Variants in PIGN observed in about 807,000 individuals in gnomAD.
PIGN encodes phosphatidylinositol glycan anchor biosynthesis class N.
A neutral mutation model predicts 125.4 loss-of-function variants in PIGN; 117 were observed. The ratio of observed to expected loss-of-function variants is 0.93; its 90% CI spans 0.80 to 1.09. The LOEUF is 1.09. Ranked by LOEUF, PIGN falls within the 50% of genes least tolerant of loss-of-function variation. The probability of loss-of-function intolerance (pLI) is 0.00; values close to 1 mark genes in which losing one functional copy is unlikely to be tolerated. For missense variants in PIGN, 1,075 were observed against 1,094.9 expected (o/e 0.98, Z 0.26); for synonymous variants, 392 against 377.8 (o/e 1.04, Z -0.44).
chr18:62,185,905 A>G (rs1057481870), intron 1 of PIGN, among the ~76,000 whole-genome samples: 1 of 152,212 alleles, frequency 6.6e-6, no homozygotes, highest in Non-Finnish European at 1.5e-5. Flanking sequence ...AACTTTTAAA[A>G]TAGTTCTAAG....
chr18:62,041,201 T>C lies in PIGN; in HGVS notation c.*4655A>G, dbSNP rs1036478854. 1 of 152,170 alleles carries C rather than the reference T, an allele frequency of 6.6e-6. No individual in the cohort carries two copies. The highest frequency in any genetic ancestry group is 1.5e-5 in the Non-Finnish European group (1 of 68,018). 9.4% of individuals were successfully genotyped at this position (152,170 alleles called of 1,614,324 possible). A position where few individuals can be genotyped will look rare whatever the true frequency, so the allele number is the denominator to read the frequency against. On this transcript the variant is annotated 3_prime_UTR_variant, in exon 31 of 31. Coordinates refer to ENST00000640252, the MANE Select transcript of PIGN (RefSeq NM_176787.5). ...GCAAATTTATTTTTCAGGTAAAAGA[T>C]ATAAAACATAAGGTATGAAGGCTTA...
intron 16 of PIGN, among the ~76,000 whole-genome samples, chr18:62,112,089 C>T (rs1599548325): frequency 6.6e-6 from 1 of 152,230 alleles, no homozygotes; most frequent in African/African-American, 2.4e-5. Context: ...GCTTCAGCTT[C>T]CTTTTTTGCA....
intron 14 of PIGN, among the ~76,000 whole-genome samples, chr18:62,121,217 G>A (rs1158597849): frequency 2.0e-5 from 3 of 152,110 alleles, no homozygotes; most frequent in Non-Finnish European, 2.9e-5. Context: ...AGAAGAAAAG[G>A]CTACAATAGC....
downstream of PIGN, among the ~76,000 whole-genome samples, chr18:62,039,719 G>A (rs113221343): frequency 5.4e-5 from 5 of 93,018 alleles, no homozygotes; most frequent in South Asian, 3.7e-4. Flanking sequence ...CCCCATCCAG[G>A]GTGCCGCACA....
At chr18:62,131,775 A>G (rs1236587061) in intron 14 of PIGN, among the ~76,000 whole-genome samples, 1 of 152,168 alleles carries the variant, frequency 6.6e-6, no homozygotes, top group African/African-American at 2.4e-5. Context: ...AACATTTGCT[A>G]TTTCATTACC....
At chr18:62,023,627 A>G (rs933324878) in intron 23 of PIGN, among the ~76,000 whole-genome samples, 1 of 152,238 alleles carries the variant, frequency 6.6e-6, no homozygotes, top group African/African-American at 2.4e-5. Flanking sequence ...ATTTGATTCA[A>G]GTTTCACTTA....
intron 14 of PIGN, chr18:62,123,380 T>C (rs2035383850): frequency 1.3e-5 from 2 of 151,954 alleles, no homozygotes; most frequent in South Asian, 2.1e-4. Context: ...AATAAAAACA[T>C]ACTGTCTACT....
chr18:62,076,462 C>G (rs2033177567), intron 28 of PIGN, among the ~76,000 whole-genome samples: 1 of 151,952 alleles, frequency 6.6e-6, no homozygotes. Context: ...TTCTCTTCCT[C>G]TTACTAGAGT....
intron 22 of PIGN, among the ~76,000 whole-genome samples, chr18:62,100,246 CA>C (rs911229311): frequency 2.0e-5 from 3 of 152,054 alleles, no homozygotes; most frequent in Non-Finnish European, 4.4e-5. Context: ...CAAAGAAATG[CA>C]AATCAAAACC....
At chr18:62,121,053 T>C (rs2035284751) in intron 14 of PIGN, among the ~76,000 whole-genome samples, 2 of 152,208 alleles carry the variant, frequency 1.3e-5, no homozygotes, top group African/African-American at 4.8e-5. Flanking sequence ...GTCATTATAC[T>C]AATATAAGTC....
intron 30 of PIGN, chr18:62,070,134 A>G (rs2032758172): frequency 3.0e-6 from 1 of 328,144 alleles, no homozygotes; most frequent in African/African-American, 2.1e-5. Flanking sequence ...AATTCATTCA[A>G]AATGACTACA....
rs572770876 is a variant in PIGN, at chr18:62,089,824, C to A, written c.2283+652G>T. 2.0e-5 allele frequency among the ~76,000 whole-genome samples: 3 copies of A among 152,192 alleles called. No individual in the cohort carries two copies. The East Asian group carries it at 5.8e-4, about 29-fold the overall frequency. On this transcript the variant is annotated intron_variant, in intron 24 of 30. Transcript: ENST00000640252. ...ATTTTATCCGACCTTAGTAAAACTG[C>A]AAATATTCTATCACCAATTTCTCAG...
chr18:62,070,512 AG>A, intron 30 of PIGN: 1 of 398,514 alleles, frequency 2.5e-6, no homozygotes, highest in Non-Finnish European at 4.4e-6. Context: ...GTTGCCTAAG[AG>A]GTATCAACAG....
chr18:62,151,241 C>T (rs1387744832), intron 7 of PIGN, among the ~76,000 whole-genome samples: 2 of 152,078 alleles, frequency 1.3e-5, no homozygotes, highest in African/African-American at 4.8e-5. Context: ...GGGTCTTCCC[C>T]GACCACTAGG....
At chr18:62,024,817 G>A (rs2030097021) in intron 23 of PIGN, among the ~76,000 whole-genome samples, 1 of 152,062 alleles carries the variant, frequency 6.6e-6, no homozygotes, top group Admixed American at 6.6e-5. Flanking sequence ...GCAACACCTG[G>A]TTTCTCTATA....
At chr18:62,107,382 G>C in intron 17 of PIGN, 3 of 279,396 alleles carry the variant, frequency 1.1e-5, no homozygotes. Flanking sequence ...ATCACCTGAG[G>C]TCACAAGTTT....
In PIGN at chr18:62,140,514, T is replaced by C. The variant is rs377598031; in HGVS notation, c.964-35A>G. On this transcript the variant is annotated intron_variant, in intron 11 of 30. Coordinates refer to ENST00000640252, the MANE Select transcript of PIGN (RefSeq NM_176787.5). ...AAAAAGCTCAATTCTAAGAAGTCTATGGACATCAACAAAGAAATTAAATAA... is the reference window on the plus strand; with the variant it reads ...AAAAAGCTCAATTCTAAGAAGTCTACGGACATCAACAAAGAAATTAAATAA... 1.7e-5 allele frequency: 19 copies of C among 1,108,088 alleles called. No individual in the cohort carries two copies. In the South Asian group the frequency reaches 2.3e-4, roughly 13 times the overall value. 68.6% of individuals were successfully genotyped at this position (1,108,088 alleles called of 1,614,324 possible).
At chr18:62,105,369 T>C (rs1294672544) in intron 20 of PIGN, 174 bp downstream of exon 20, 1 of 420,804 alleles carries the variant, frequency 2.4e-6, no homozygotes, top group Non-Finnish European at 4.4e-6. Flanking sequence ...GGAGGTTTAA[T>C]GACTCTTAGA....
At chr18:62,018,869 C>T (rs1416555662) in intron 23 of PIGN, among the ~76,000 whole-genome samples, 1 of 152,152 alleles carries the variant, frequency 6.6e-6, no homozygotes, top group African/African-American at 2.4e-5. Context: ...CACACATACA[C>T]ACACACACAC....
Sources: gnomAD v4.1 joint callset for allele counts (sites outside exome capture counted in the v4.1 genomes callset) on GRCh38, gnomAD v4.1.1 for gene constraint, MANE v1.5 for transcripts, NCBI Gene and HGNC (gene_info 2026-07-23, HGNC 2026-07-21) for gene names.